Variants in SLC47A1 observed in about 807,000 individuals in gnomAD.
The protein encoded by SLC47A1 is multidrug and toxin extrusion protein 1.
In SLC47A1, 58 loss-of-function variants were observed where a neutral mutation model predicts 65.8. That is an observed-to-expected ratio of 0.88 (90% CI 0.71 to 1.10). The LOEUF (loss-of-function observed/expected upper bound fraction) is 1.10, where lower values mean the gene tolerates loss of function less well. Ranked by LOEUF, SLC47A1 falls within the 50% of genes least tolerant of loss-of-function variation. SLC47A1 has a pLI of 0.00. For synonymous variants in SLC47A1, 285 were observed against 295.0 expected (o/e 0.97, Z 0.35); for missense variants, 706 against 719.2 (o/e 0.98, Z 0.21).
At chr17:19,548,659 C>T (rs1033137178) in intron 4 of SLC47A1, among the ~76,000 whole-genome samples, 4 of 152,144 alleles carry the variant, frequency 2.6e-5, no homozygotes, top group African/African-American at 9.7e-5. Flanking sequence ...ACTACCACGC[C>T]TGGCTAATTT....
intron 1 of SLC47A1, chr17:19,534,328 A>G: frequency 2.3e-6 from 1 of 429,618 alleles, no homozygotes; most frequent in Non-Finnish European, 4.1e-6. Context: ...GCCCGGGCGC[A>G]TGTTGGCTCG....
intron 12 of SLC47A1, among the ~76,000 whole-genome samples, chr17:19,560,878 T>TAAAA (rs773197178): frequency 1.7e-5 from 2 of 116,146 alleles, no homozygotes; most frequent in Non-Finnish European, 1.8e-5. Flanking sequence ...GACTCCGTCT[T>TAAAA]AAAAAAAAAA....
intron 1 of SLC47A1, among the ~76,000 whole-genome samples, chr17:19,540,657 A>G (rs1314337437): frequency 1.3e-5 from 2 of 151,700 alleles, no homozygotes; most frequent in African/African-American, 4.8e-5. Context: ...TTTTATTGAC[A>G]CCTCCACCCC....
At chr17:19,551,341 G>T in intron 5 of SLC47A1, 83 bp from the exon 6 acceptor site, 1 of 1,232,296 alleles carries the variant, frequency 8.1e-7, no homozygotes. Context: ...CCTTGGCTGT[G>T]GCTCCTAGCT....
At chr17:19,535,972 A>T (rs868198834) in intron 1 of SLC47A1, among the ~76,000 whole-genome samples, 1 of 151,950 alleles carries the variant, frequency 6.6e-6, no homozygotes, top group African/African-American at 2.4e-5. Flanking sequence ...TTTTATTATT[A>T]TTATTATTTT....
chr17:19,552,869 G>T (rs749066424), intron 6 of SLC47A1, among the ~76,000 whole-genome samples: 3 of 152,282 alleles, frequency 2.0e-5, no homozygotes, highest in Non-Finnish European at 1.5e-5. Context: ...CAGGGTCAGC[G>T]TGCGCAGGGC....
rs776468116 is a variant in SLC47A1 at position 19,542,493 on chromosome 17, C to T, written c.236C>T (p.Ala79Val). 2.5e-5 allele frequency: 41 copies of T among 1,609,982 alleles called. No homozygotes were observed. The highest frequency in any genetic ancestry group is 4.4e-5 in the South Asian group (4 of 90,476). ...LELDAVTLAI[A>V]VINVTGVSVG... Reference sequence around the variant, plus strand: ...CTGGATGCAGTCACGCTGGCAATCGCGGTACGTGTGGGCTTTCTGGCAGGT... The same window carrying T: ...CTGGATGCAGTCACGCTGGCAATCGTGGTACGTGTGGGCTTTCTGGCAGGT... Residue 79 changes from alanine (A) to valine (V), a missense_variant and splice_region_variant, in exon 2 of 17, where the codon GCG becomes GTG. Physicochemically the swap from Ala to Val is moderately conservative, Grantham distance 64. Coordinates refer to ENST00000270570, the MANE Select transcript of SLC47A1 (RefSeq NM_018242.3).
chr17:19,577,525 T>C lies in SLC47A1; in HGVS notation c.1685T>C (p.Leu562Ser). 1 of 1,614,150 alleles carries C rather than the reference T, an allele frequency of 6.2e-7. No individual in the cohort carries two copies. The highest frequency in any genetic ancestry group is 1.6e-4 in the Middle Eastern group (1 of 6,062). Reference sequence around the variant, plus strand: ...TTCTTAATCTTGCTGGTGGGGATTTTAGTGAGATTCTATGTCAGAATTCAG... The same window carrying C: ...TTCTTAATCTTGCTGGTGGGGATTTCAGTGAGATTCTATGTCAGAATTCAG... ...GVFLILLVGI[L>S]VRFYVRIQ The change falls in exon 17 of 17, where the codon TTA becomes TCA. Residue 562 changes from leucine to serine, a missense_variant. Coordinates refer to ENST00000270570, the MANE Select transcript of SLC47A1 (RefSeq NM_018242.3).
chr17:19,534,159 C>T (rs1915925582), intron 1 of SLC47A1, 85 bp downstream of exon 1: 5 of 1,387,340 alleles, frequency 3.6e-6, no homozygotes, highest in Non-Finnish European at 2.8e-6. Flanking sequence ...CTTTGGCGGG[C>T]TTTGGGGACC....
intron 3 of SLC47A1, 102 bp downstream of exon 3, chr17:19,546,605 G>A: frequency 9.1e-7 from 1 of 1,094,156 alleles, no homozygotes. Flanking sequence ...GCCAGCACTT[G>A]CAGCACCTAT....
At chr17:19,549,916 G>A (rs942151653) in intron 5 of SLC47A1, among the ~76,000 whole-genome samples, 1 of 152,180 alleles carries the variant, frequency 6.6e-6, no homozygotes, top group East Asian at 1.9e-4. Context: ...GAGACCTCCA[G>A]AATCATCCAT....
intron 1 of SLC47A1, among the ~76,000 whole-genome samples, chr17:19,539,982 C>A (rs1916094961): frequency 6.6e-6 from 1 of 152,186 alleles, no homozygotes; most frequent in Non-Finnish European, 1.5e-5. Context: ...GGCTGCCCGA[C>A]TCAGGCAGTC....
intron 12 of SLC47A1, among the ~76,000 whole-genome samples, chr17:19,562,678 T>C (rs1429067147): frequency 6.6e-6 from 1 of 151,992 alleles, no homozygotes; most frequent in Non-Finnish European, 1.5e-5. Context: ...AGGACCAGGA[T>C]AAATGGATGG....
chr17:19,563,716 C>T (rs1206809103), intron 12 of SLC47A1, among the ~76,000 whole-genome samples: 1 of 152,018 alleles, frequency 6.6e-6, no homozygotes, highest in Non-Finnish European at 1.5e-5. Flanking sequence ...AGGCTGGGCG[C>T]GGTGGCTCAC....
intron 12 of SLC47A1, among the ~76,000 whole-genome samples, chr17:19,562,497 G>A (rs567870873): frequency 5.9e-4 from 90 of 151,984 alleles, no homozygotes; most frequent in Non-Finnish European, 1.1e-3. Flanking sequence ...CCTGGGAGAC[G>A]GAGGGTGCAG....
chr17:19,554,867 C>T (rs529727861), intron 6 of SLC47A1, among the ~76,000 whole-genome samples: 9 of 152,302 alleles, frequency 5.9e-5, no homozygotes, highest in Non-Finnish European at 8.8e-5. Flanking sequence ...TTTCTCCTAT[C>T]GTCCAGTGTC....
chr17:19,577,987 ATT>A lies in SLC47A1; in HGVS notation c.*443_*444del. 1 of 1,206,940 alleles carries A rather than the reference ATT, an allele frequency of 8.3e-7. No individual in the cohort carries two copies. The highest frequency in any genetic ancestry group is 2.5e-5 in the Admixed American group (1 of 40,134). The allele number at this position is 1,206,940 out of a possible 1,614,324, so 74.8% of individuals were successfully genotyped here. On this transcript the variant is annotated 3_prime_UTR_variant, in exon 17 of 17. Transcript: ENST00000270570. ...GCAAATGGTATTTGTTTTTGTTTTAATTTTTTTTTTAATAGACGGAAGTCTTG... is the reference window on the plus strand; with the variant it reads ...GCAAATGGTATTTGTTTTTGTTTTAATTTTTTTTAATAGACGGAAGTCTTG...
chr17:19,571,803 A>T (rs2084401927), intron 15 of SLC47A1, among the ~76,000 whole-genome samples: 1 of 152,218 alleles, frequency 6.6e-6, no homozygotes. Context: ...CTTGTCTCCC[A>T]TGCCAGGCTG....
chr17:19,541,597 T>G (rs1916150373), intron 1 of SLC47A1, among the ~76,000 whole-genome samples: 1 of 152,136 alleles, frequency 6.6e-6, no homozygotes, highest in Non-Finnish European at 1.5e-5. Flanking sequence ...GCCTGTAATG[T>G]TTCACCCTGA....
Sources: gnomAD v4.1 joint callset for allele counts (sites outside exome capture counted in the v4.1 genomes callset) on GRCh38, gnomAD v4.1.1 for gene constraint, MANE v1.5 for transcripts, NCBI Gene and HGNC (gene_info 2026-07-23, HGNC 2026-07-21) for gene names.